Variants in SLC39A11 observed in about 807,000 individuals in gnomAD.
SLC39A11 encodes solute carrier family 39 member 11.
A neutral mutation model predicts 36.1 loss-of-function variants in SLC39A11; 33 were observed. The ratio of observed to expected loss-of-function variants is 0.91; its 90% CI spans 0.69 to 1.22. The LOEUF (loss-of-function observed/expected upper bound fraction) is 1.22, where lower values mean the gene tolerates loss of function less well. Among genes scored for constraint, SLC39A11 ranks in the 50% most tolerant of loss-of-function variants. The pLI, the probability that SLC39A11 is intolerant of heterozygous loss-of-function variation, is 0.00. For synonymous variants in SLC39A11, 166 were observed against 170.3 expected (o/e 0.97, Z 0.20); for missense variants, 432 against 430.3 (o/e 1.00, Z -0.03).
intron 7 of SLC39A11, among the ~76,000 whole-genome samples, chr17:72,727,672 A>G (rs2073988408): frequency 6.8e-6 from 1 of 147,140 alleles, no homozygotes; most frequent in Non-Finnish European, 1.5e-5. Flanking sequence ...AAAAAAAAAA[A>G]GAAAGAAGCA....
chr17:72,898,682 T>C (rs1177328528), intron 5 of SLC39A11, among the ~76,000 whole-genome samples: 1 of 152,112 alleles, frequency 6.6e-6, no homozygotes, highest in East Asian at 1.9e-4. Context: ...CACATACATG[T>C]ATACATGCAT....
At position 72,663,427 on chromosome 17, in the gene SLC39A11, G is replaced by A. The variant is rs1054072665; in HGVS notation, c.672-14159C>T. Reference sequence around the variant, plus strand: ...CGTTTCAGAAACTAAGCAAACCCATGAAACCCACATCCCGATCAAGAAACG... The same window carrying A: ...CGTTTCAGAAACTAAGCAAACCCATAAAACCCACATCCCGATCAAGAAACG... On this transcript the variant is annotated intron_variant, in intron 7 of 9. Coordinates refer to ENST00000255559, the MANE Select transcript of SLC39A11 (RefSeq NM_139177.4). Among the ~76,000 whole-genome samples, 3 of 152,166 alleles carry A rather than the reference G, an allele frequency of 2.0e-5. No homozygotes were observed. The South Asian group carries it at 6.2e-4, about 32-fold the overall frequency.
intron 4 of SLC39A11, among the ~76,000 whole-genome samples, chr17:73,009,803 A>G (rs1434664178): frequency 6.6e-6 from 1 of 152,110 alleles, no homozygotes; most frequent in Non-Finnish European, 1.5e-5. Flanking sequence ...TTTGTTACAT[A>G]TGTATACATG....
chr17:72,647,675 G>T lies in SLC39A11; in HGVS notation c.930-13C>A. On this transcript the variant is annotated splice_polypyrimidine_tract_variant and intron_variant, in intron 9 of 9. Coordinates refer to ENST00000255559, the MANE Select transcript of SLC39A11 (RefSeq NM_139177.4). Reference sequence around the variant, plus strand: ...TTTCCCATTACCACTGGAAGAGAAGGACAGGAAGAAAAGTAAGACCTTAAT... The same window carrying T: ...TTTCCCATTACCACTGGAAGAGAAGTACAGGAAGAAAAGTAAGACCTTAAT... 1 of 1,612,434 alleles carries T rather than the reference G, an allele frequency of 6.2e-7. No homozygotes were observed. The highest frequency in any genetic ancestry group is 1.1e-5 in the South Asian group (1 of 90,936).
chr17:72,753,109 C>T (rs546488897), intron 6 of SLC39A11, among the ~76,000 whole-genome samples: 5 of 150,686 alleles, frequency 3.3e-5, no homozygotes, highest in South Asian at 2.1e-4. Context: ...CCTCCAACCT[C>T]GGTCTCCCAA....
At chr17:72,872,098 G>C (rs1323196034) in intron 5 of SLC39A11, among the ~76,000 whole-genome samples, 1 of 152,198 alleles carries the variant, frequency 6.6e-6, no homozygotes, top group East Asian at 1.9e-4. Context: ...TCCTATACAA[G>C]AGGTAAAGAG....
At chr17:72,896,192 CTTTTTTTT>C (rs771180987) in intron 5 of SLC39A11, among the ~76,000 whole-genome samples, 5 of 74,554 alleles carry the variant, frequency 6.7e-5, no homozygotes, top group Non-Finnish European at 7.1e-5. Flanking sequence ...CACATTAATC[CTTTTTTTT>C]TTTTTTTTTT....
intron 1 of SLC39A11, among the ~76,000 whole-genome samples, chr17:73,090,358 G>A (rs1229932869): frequency 4.0e-5 from 6 of 151,846 alleles, no homozygotes; most frequent in Non-Finnish European, 4.4e-5. Context: ...CACTCTAAAC[G>A]AACTGCACCA....
At chr17:73,060,718 G>T (rs1395284760) in intron 3 of SLC39A11, among the ~76,000 whole-genome samples, 1 of 152,104 alleles carries the variant, frequency 6.6e-6, no homozygotes, top group Non-Finnish European at 1.5e-5. Context: ...CAAATAATAA[G>T]TAATGCTGAA....
chr17:73,059,552 G>A (rs1482778889), intron 3 of SLC39A11, among the ~76,000 whole-genome samples: 3 of 151,714 alleles, frequency 2.0e-5, no homozygotes, highest in Non-Finnish European at 4.4e-5. Flanking sequence ...CACCTCAGGA[G>A]GCTGAGACAG....
At chr17:72,769,882 GA>G (rs1452943322) in intron 6 of SLC39A11, among the ~76,000 whole-genome samples, 2 of 152,172 alleles carry the variant, frequency 1.3e-5, no homozygotes, top group African/African-American at 4.8e-5. Flanking sequence ...CAGAAACTCA[GA>G]AAAATGCAAC....
At chr17:72,739,033 C>CT (rs139219422) in intron 6 of SLC39A11, among the ~76,000 whole-genome samples, 4,181 of 151,904 alleles carry the variant, frequency 0.028, 203 homozygotes, top group African/African-American at 0.096. Context: ...ATAAGGTGTT[C>CT]TTTTTTTTGC....
At chr17:73,061,154 G>T (rs1053362378) in intron 3 of SLC39A11, among the ~76,000 whole-genome samples, 1 of 152,194 alleles carries the variant, frequency 6.6e-6, no homozygotes, top group Admixed American at 6.5e-5. Flanking sequence ...AAGGTCAGGA[G>T]TTCGAGACCA....
At chr17:72,954,589 C>A (rs958628921) in intron 4 of SLC39A11, among the ~76,000 whole-genome samples, 1 of 152,234 alleles carries the variant, frequency 6.6e-6, no homozygotes, top group African/African-American at 2.4e-5. Context: ...CCCAGACACA[C>A]AAGGCAACGT....
chr17:72,961,151 C>T (rs1363304324), intron 4 of SLC39A11, among the ~76,000 whole-genome samples: 1 of 152,124 alleles, frequency 6.6e-6, no homozygotes, highest in Non-Finnish European at 1.5e-5. Flanking sequence ...GTGAGACCTC[C>T]GAGTATTAGG....
intron 7 of SLC39A11, among the ~76,000 whole-genome samples, chr17:72,715,140 G>GA (rs761830941): frequency 6.6e-6 from 1 of 152,162 alleles, no homozygotes; most frequent in Non-Finnish European, 1.5e-5. Context: ...ACCCAGCCAC[G>GA]AAAGGGGCCC....
chr17:72,691,582 A>G (rs2144434211), intron 7 of SLC39A11, among the ~76,000 whole-genome samples: 1 of 152,312 alleles, frequency 6.6e-6, no homozygotes. Flanking sequence ...AGGTATTTTC[A>G]ATGAAAAACA....
At chr17:73,038,370 G>A (rs1295671252) in intron 3 of SLC39A11, among the ~76,000 whole-genome samples, 1 of 151,946 alleles carries the variant, frequency 6.6e-6, no homozygotes, top group Non-Finnish European at 1.5e-5. Context: ...TCTCAATGCT[G>A]AACAAAGTGA....
At chr17:72,858,760 C>T (rs1378057640) in intron 5 of SLC39A11, among the ~76,000 whole-genome samples, 1 of 152,046 alleles carries the variant, frequency 6.6e-6, no homozygotes, top group Admixed American at 6.6e-5. Context: ...GTATTGCGTT[C>T]CTGGTTTGGT....
Sources: gnomAD v4.1 joint callset for allele counts (sites outside exome capture counted in the v4.1 genomes callset) on GRCh38, gnomAD v4.1.1 for gene constraint, MANE v1.5 for transcripts, NCBI Gene and HGNC (gene_info 2026-07-23, HGNC 2026-07-21) for gene names.